BMP5: variants seen among roughly 807,000 people sequenced by gnomAD.
BMP5 encodes bone morphogenetic protein 5.
A neutral mutation model predicts 46.6 loss-of-function variants in BMP5; 23 were observed. The ratio of observed to expected loss-of-function variants is 0.49; its 90% CI spans 0.35 to 0.70. The LOEUF is 0.70. Among genes scored for constraint, BMP5 ranks in the 30% least tolerant of loss-of-function variants. The pLI is 0.00. For missense variants in BMP5, 545 were observed against 565.6 expected (o/e 0.96, Z 0.37); for synonymous variants, 204 against 191.9 (o/e 1.06, Z -0.52).
At chr6:55,758,660 G>A (rs1423751861) in intron 6 of BMP5, among the ~76,000 whole-genome samples, 1 of 151,878 alleles carries the variant, frequency 6.6e-6, no homozygotes, top group East Asian at 1.9e-4. Flanking sequence ...ATTACTCAAT[G>A]TTTTTGCAAT....
At chr6:55,814,689 G>C (rs1365397672) in intron 2 of BMP5, among the ~76,000 whole-genome samples, 1 of 152,158 alleles carries the variant, frequency 6.6e-6, no homozygotes, top group Non-Finnish European at 1.5e-5. Context: ...TACAGAAAGT[G>C]AATCCTGCAT....
chr6:55,841,916 CAGAGAG>C (rs143400522), intron 1 of BMP5, among the ~76,000 whole-genome samples: 2 of 146,926 alleles, frequency 1.4e-5, no homozygotes, highest in East Asian at 2.0e-4. Context: ...GAGAGAGAGA[CAGAGAG>C]AGAGAGAGAG....
intron 3 of BMP5, among the ~76,000 whole-genome samples, chr6:55,793,527 T>C (rs1016270354): frequency 6.6e-6 from 1 of 152,182 alleles, no homozygotes; most frequent in Non-Finnish European, 1.5e-5. Flanking sequence ...TCTTTAGCTG[T>C]GTATGTTCTG....
At chr6:55,842,876 A>G (rs1776995972) in intron 1 of BMP5, among the ~76,000 whole-genome samples, 1 of 152,098 alleles carries the variant, frequency 6.6e-6, no homozygotes, top group Admixed American at 6.6e-5. Flanking sequence ...AATCACATTT[A>G]TATATTTCTT....
chr6:55,767,887 A>G (rs964728928), intron 4 of BMP5, among the ~76,000 whole-genome samples: 3 of 152,008 alleles, frequency 2.0e-5, no homozygotes, highest in African/African-American at 7.2e-5. Flanking sequence ...TATTTGACAT[A>G]TGGCTAAACA....
chr6:55,757,860 T>C (rs967314594), intron 6 of BMP5, among the ~76,000 whole-genome samples: 1 of 152,010 alleles, frequency 6.6e-6, no homozygotes, highest in Non-Finnish European at 1.5e-5. Flanking sequence ...TTTTGGTGTC[T>C]AGATATTCTG....
rs755749791 is a variant in BMP5 at position 55,874,471 on chromosome 6, G to T, written c.395C>A (p.Thr132Lys). 6.2e-7 allele frequency: 1 copy of T among 1,613,294 alleles called. No homozygotes were observed. The highest frequency in any genetic ancestry group is 8.5e-7 in the Non-Finnish European group (1 of 1,179,612). The change falls in exon 1 of 7, where the codon ACG (threonine) becomes AAG (lysine). Residue 132 changes from threonine (T) to lysine (K), a missense_variant. Physicochemically the swap from Thr to Lys is moderately conservative, Grantham distance 78. Coordinates refer to ENST00000370830, the MANE Select transcript of BMP5 (RefSeq NM_021073.4). ...AGGACTCTGGGTGGTCAGAGGAGTC[G>T]TCCGAGATAACTGTATGCGACGAGG... The part of the protein sequence containing the change: ...GYPRRIQLSR[T>K]TPLTTQSPPL...
intron 1 of BMP5, among the ~76,000 whole-genome samples, chr6:55,852,704 T>C (rs984735766): frequency 1.3e-5 from 2 of 152,204 alleles, no homozygotes; most frequent in South Asian, 2.1e-4. Context: ...TTAAAACTTG[T>C]AGCATTTCAA....
chr6:55,842,884 C>T (rs1776996212), intron 1 of BMP5, among the ~76,000 whole-genome samples: 1 of 151,896 alleles, frequency 6.6e-6, no homozygotes, highest in South Asian at 2.1e-4. Context: ...TTATATATTT[C>T]TTAAATATTT....
chr6:55,871,160 T>G (rs1392311118), intron 1 of BMP5, among the ~76,000 whole-genome samples: 1 of 151,836 alleles, frequency 6.6e-6, no homozygotes. Context: ...TGTCTTTAAC[T>G]TGTACTGGTA....
rs1486547407 is a variant in BMP5 at position 55,760,543 on chromosome 6, A to G, written c.1028-10T>C. 3.1e-6 allele frequency: 5 copies of G among 1,611,594 alleles called. No individual in the cohort carries two copies. The highest frequency in any genetic ancestry group is 3.3e-5 in the Admixed American group (2 of 59,896). ...TCACTTGTGTTATAATCTGAAGATA[A>G]AAACCACATTTTGAATAAATGGTTG... On this transcript the variant is annotated splice_polypyrimidine_tract_variant and intron_variant, in intron 4 of 6. Coordinates refer to ENST00000370830, the MANE Select transcript of BMP5 (RefSeq NM_021073.4).
chr6:55,855,165 G>A (rs1018208064), intron 1 of BMP5, among the ~76,000 whole-genome samples: 4 of 151,906 alleles, frequency 2.6e-5, no homozygotes, highest in Admixed American at 6.6e-5. Flanking sequence ...GAGGTGCGTG[G>A]GGCATGCTGG....
At position 55,875,189 on chromosome 6, in the gene BMP5, T is replaced by C. The variant is rs139068102; in HGVS notation, c.-324A>G. 1.0e-4 allele frequency: 24 copies of C among 241,164 alleles called. No homozygotes were observed. In the East Asian group the frequency reaches 2.4e-3, roughly 24 times the overall value. 14.9% of individuals were successfully genotyped at this position (241,164 alleles called of 1,614,324 possible). ...TGATCAGATGACCTATGCATTCCTA[T>C]ATGAATTTATGATAATCAGGCCTTT... On this transcript the variant is annotated 5_prime_UTR_variant, in exon 1 of 7. The change creates a new upstream start codon in the 5' untranslated region. Transcript: ENST00000370830.
chr6:55,801,331 T>A (rs1253228409), intron 2 of BMP5, among the ~76,000 whole-genome samples: 1 of 152,210 alleles, frequency 6.6e-6, no homozygotes, highest in Non-Finnish European at 1.5e-5. Flanking sequence ...CTCCTTCAGA[T>A]CCCACTAATT....
In BMP5 at chr6:55,875,296, A is replaced by T; in HGVS notation, c.-431T>A. 4.9e-6 allele frequency: 1 copy of T among 203,386 alleles called. No individual in the cohort carries two copies. The highest frequency in any genetic ancestry group is 1.0e-5 in the Non-Finnish European group (1 of 99,478). The allele number at this position is 203,386 out of a possible 1,614,324, so 12.6% of individuals were successfully genotyped here. On this transcript the variant is annotated 5_prime_UTR_variant, in exon 1 of 7. The change creates a new upstream start codon in the 5' untranslated region. Coordinates refer to ENST00000370830, the MANE Select transcript of BMP5 (RefSeq NM_021073.4). ...TTCACTTGCTTTTGAGTTCTTCTCA[A>T]CCCTTGAGCTCTTTCCAAAACAAAT...
intron 1 of BMP5, among the ~76,000 whole-genome samples, chr6:55,840,998 T>C (rs1776934464): frequency 6.6e-6 from 1 of 152,178 alleles, no homozygotes; most frequent in Admixed American, 6.5e-5. Context: ...CATTATGGCC[T>C]GAGCCCTGCC....
At chr6:55,853,206 ATAAAATAAAAT>A (rs1777296401) in intron 1 of BMP5, among the ~76,000 whole-genome samples, 1 of 145,102 alleles carries the variant, frequency 6.9e-6, no homozygotes, top group Non-Finnish European at 1.5e-5. Flanking sequence ...ATAAAATAAA[ATAAAATAAAAT>A]AAGATAAAAT....
chr6:55,762,642 T>C (rs1336217508), intron 4 of BMP5, among the ~76,000 whole-genome samples: 1 of 152,112 alleles, frequency 6.6e-6, no homozygotes, highest in Non-Finnish European at 1.5e-5. Flanking sequence ...ACACTAAACA[T>C]GAAATGGTTA....
At chr6:55,795,789 T>G (rs1466215163) in intron 2 of BMP5, among the ~76,000 whole-genome samples, 1 of 152,192 alleles carries the variant, frequency 6.6e-6, no homozygotes, top group African/African-American at 2.4e-5. Flanking sequence ...ACAATTACAG[T>G]CATAGTGTTT....
Sources: gnomAD v4.1 joint callset for allele counts (sites outside exome capture counted in the v4.1 genomes callset) on GRCh38, gnomAD v4.1.1 for gene constraint, MANE v1.5 for transcripts, NCBI Gene and HGNC (gene_info 2026-07-23, HGNC 2026-07-21) for gene names.